CDH13: variants seen among roughly 807,000 people sequenced by gnomAD.
CDH13 encodes cadherin-13.
A neutral mutation model predicts 63.8 loss-of-function variants in CDH13; 24 were observed. That is an observed-to-expected ratio of 0.38 (90% CI 0.27 to 0.53). CDH13 has a LOEUF of 0.53. Among genes scored for constraint, CDH13 ranks in the 20% least tolerant of loss-of-function variants. CDH13 has a pLI of 0.85. For synonymous variants in CDH13, 503 were observed against 355.3 expected, an observed-to-expected ratio of 1.42 and a Z score of -4.67; for missense variants, 1,049 against 903.1, an observed-to-expected ratio of 1.16 and a Z score of -2.07.
chr16:83,667,674 C>G (rs1242678561), intron 8 of CDH13, among the ~76,000 whole-genome samples: 4 of 152,196 alleles, frequency 2.6e-5, no homozygotes, highest in Non-Finnish European at 5.9e-5. Context: ...ATAATTTTTT[C>G]TGAGACAGGG....
intron 3 of CDH13, among the ~76,000 whole-genome samples, chr16:83,089,380 G>A (rs1322745110): frequency 6.6e-6 from 1 of 152,204 alleles, no homozygotes. Flanking sequence ...CTATTGTGTG[G>A]CAGGCACTAT....
intron 6 of CDH13, among the ~76,000 whole-genome samples, chr16:83,351,286 T>A (rs2090946726): frequency 2.6e-5 from 4 of 151,824 alleles, no homozygotes; most frequent in Admixed American, 2.0e-4. Flanking sequence ...ATTTCTTTTT[T>A]TTTTTTTTTT....
chr16:83,331,436 A>G lies in CDH13; in HGVS notation c.637-13426A>G, dbSNP rs532381421. On this transcript the variant is annotated intron_variant, in intron 5 of 13. Transcript: ENST00000567109. ...CTTAATGTGTGTTTCTTTCTCATTA[A>G]TCATCAATGCTGAGGGATGTTGCAT... is the stretch of plus-strand genomic sequence containing the variant. 1.6e-4 allele frequency among the ~76,000 whole-genome samples: 24 copies of G among 152,302 alleles called. No homozygotes were observed. In the South Asian group the frequency reaches 4.6e-3, roughly 29 times the overall value.
intron 7 of CDH13, among the ~76,000 whole-genome samples, chr16:83,499,043 AG>A (rs2074212508): frequency 6.6e-6 from 1 of 152,160 alleles, no homozygotes; most frequent in African/African-American, 2.4e-5. Flanking sequence ...TTGATGCAGA[AG>A]TTTCTTGTGA....
intron 3 of CDH13, among the ~76,000 whole-genome samples, chr16:83,059,564 C>CAGAGCAGGCA (rs2031305304): frequency 6.6e-6 from 1 of 152,052 alleles, no homozygotes; most frequent in Non-Finnish European, 1.5e-5. Flanking sequence ...TTCGGAGATT[C>CAGAGCAGGCA]CATCATTCAG....
At chr16:82,877,896 G>A (rs1316302812) in intron 2 of CDH13, among the ~76,000 whole-genome samples, 6 of 145,970 alleles carry the variant, frequency 4.1e-5, no homozygotes, top group Non-Finnish European at 9.0e-5. Context: ...TGAGGAGAGA[G>A]GAAGGTGGAA....
chr16:83,728,269 C>A (rs533868608), intron 10 of CDH13, among the ~76,000 whole-genome samples: 24 of 151,984 alleles, frequency 1.6e-4, no homozygotes, highest in African/African-American at 5.5e-4. Flanking sequence ...ACCCCACAAG[C>A]CTGTGAGCCG....
intron 1 of CDH13, among the ~76,000 whole-genome samples, chr16:82,813,906 A>C (rs891526948): frequency 1.3e-5 from 2 of 152,140 alleles, no homozygotes; most frequent in Non-Finnish European, 2.9e-5. Context: ...TCTCTGAGTC[A>C]GTTTTATCAT....
chr16:83,109,886 C>T (rs1323862060), intron 3 of CDH13, among the ~76,000 whole-genome samples: 1 of 152,192 alleles, frequency 6.6e-6, no homozygotes, highest in African/African-American at 2.4e-5. Flanking sequence ...CATTTTTCAC[C>T]TCCAGTAAAA....
At chr16:83,634,097 C>T (rs1195080822) in intron 8 of CDH13, among the ~76,000 whole-genome samples, 1 of 148,762 alleles carries the variant, frequency 6.7e-6, no homozygotes, top group Non-Finnish European at 1.5e-5. Context: ...ACGAAGTCTC[C>T]ACCCATTTTT....
At chr16:83,470,765 A>AGCTC (rs2073433161) in intron 6 of CDH13, among the ~76,000 whole-genome samples, 1 of 152,184 alleles carries the variant, frequency 6.6e-6, no homozygotes, top group African/African-American at 2.4e-5. Flanking sequence ...TACCCAATAA[A>AGCTC]ATAGACACCG....
chr16:83,696,216 A>G (rs548386899), intron 10 of CDH13, among the ~76,000 whole-genome samples: 20 of 152,250 alleles, frequency 1.3e-4, no homozygotes, highest in African/African-American at 4.1e-4. Context: ...ACAGGGAAAC[A>G]TTTCTTTCCT....
intron 1 of CDH13, among the ~76,000 whole-genome samples, chr16:82,698,544 G>A (rs1413383581): frequency 2.0e-5 from 3 of 152,188 alleles, no homozygotes; most frequent in African/African-American, 2.4e-5. Context: ...GCTTTGCTCC[G>A]TGACTTTCCC....
At chr16:83,637,220 A>G (rs987274327) in intron 8 of CDH13, among the ~76,000 whole-genome samples, 2 of 151,748 alleles carry the variant, frequency 1.3e-5, no homozygotes, top group Non-Finnish European at 2.9e-5. Flanking sequence ...TTAAAATATC[A>G]AAAACGTCTA....
intron 7 of CDH13, among the ~76,000 whole-genome samples, chr16:83,595,787 C>G (rs1466409021): frequency 6.6e-6 from 1 of 151,944 alleles, no homozygotes; most frequent in East Asian, 1.9e-4. Flanking sequence ...CCCTGGAACC[C>G]AAGGAAATAG....
chr16:82,755,076 A>T (rs1376579810), intron 1 of CDH13, among the ~76,000 whole-genome samples: 2 of 152,224 alleles, frequency 1.3e-5, no homozygotes, highest in African/African-American at 4.8e-5. Context: ...CCCTATGCAT[A>T]CACAAGCATG....
intron 5 of CDH13, among the ~76,000 whole-genome samples, chr16:83,253,554 T>C (rs965765044): frequency 4.6e-5 from 7 of 152,078 alleles, no homozygotes; most frequent in Non-Finnish European, 8.8e-5. Context: ...GCTGAGGGAG[T>C]TGATGAGCTG....
chr16:82,990,547 GTTTTT>G (rs369121464), intron 2 of CDH13, among the ~76,000 whole-genome samples: 1 of 139,886 alleles, frequency 7.1e-6, no homozygotes, highest in Non-Finnish European at 1.5e-5. Flanking sequence ...TTTGGTTTGG[GTTTTT>G]TTTTTTTTTT....
chr16:83,506,441 A>C (rs569615351), intron 7 of CDH13, among the ~76,000 whole-genome samples: 1 of 152,172 alleles, frequency 6.6e-6, no homozygotes, highest in Non-Finnish European at 1.5e-5. Flanking sequence ...CCTTGATCCA[A>C]ACTACAGTCT....
Sources: gnomAD v4.1 joint callset for allele counts (sites outside exome capture counted in the v4.1 genomes callset) on GRCh38, gnomAD v4.1.1 for gene constraint, MANE v1.5 for transcripts, NCBI Gene and HGNC (gene_info 2026-07-23, HGNC 2026-07-21) for gene names.